Variants in ARHGAP10 observed in about 807,000 individuals in gnomAD.
ARHGAP10 encodes the protein rho GTPase-activating protein 10.
Under a neutral mutation model 108.6 loss-of-function variants are expected in ARHGAP10, and 87 were observed. The ratio of observed to expected loss-of-function variants is 0.80; its 90% CI spans 0.67 to 0.96. The LOEUF is 0.96. Among genes scored for constraint, ARHGAP10 ranks in the 40% least tolerant of loss-of-function variants. ARHGAP10 has a pLI of 0.00. For missense variants in ARHGAP10, 939 were observed against 954.5 expected, an observed-to-expected ratio of 0.98 and a Z score of 0.21; for synonymous variants, 347 against 341.1, an observed-to-expected ratio of 1.02 and a Z score of -0.19.
At chr4:148,051,638 G>C (rs893978604) in intron 20 of ARHGAP10, among the ~76,000 whole-genome samples, 2 of 152,212 alleles carry the variant, frequency 1.3e-5, no homozygotes. Flanking sequence ...CAGGCCAGGA[G>C]GGCAGTAGAT....
chr4:147,988,487 C>T (rs1400421756), intron 18 of ARHGAP10, among the ~76,000 whole-genome samples: 2 of 152,144 alleles, frequency 1.3e-5, no homozygotes, highest in Non-Finnish European at 2.9e-5. Context: ...ACAGCCTTTT[C>T]CTCTATCTAG....
intron 1 of ARHGAP10, among the ~76,000 whole-genome samples, chr4:147,742,906 T>TA (rs922678227): frequency 1.3e-5 from 2 of 150,030 alleles, no homozygotes; most frequent in Non-Finnish European, 3.0e-5. Flanking sequence ...CTGAAAGCCT[T>TA]TTTTTTTTTT....
At chr4:147,983,633 A>AT (rs1233875746) in intron 18 of ARHGAP10, among the ~76,000 whole-genome samples, 4 of 151,646 alleles carry the variant, frequency 2.6e-5, no homozygotes, top group African/African-American at 9.7e-5. Context: ...CCTATAGTGA[A>AT]TTTTTCAATT....
intron 1 of ARHGAP10, among the ~76,000 whole-genome samples, chr4:147,803,476 T>C (rs1202225796): frequency 6.6e-6 from 1 of 152,242 alleles, no homozygotes; most frequent in Non-Finnish European, 1.5e-5. Flanking sequence ...CTTTTCTTGT[T>C]ATTTTGAAAT....
chr4:148,064,059 TG>T (rs1011800019), intron 21 of ARHGAP10, among the ~76,000 whole-genome samples: 5 of 152,166 alleles, frequency 3.3e-5, no homozygotes, highest in African/African-American at 1.2e-4. Flanking sequence ...CAGGTGCGTG[TG>T]CTTTTCCTAA....
rs367747223 is a variant in ARHGAP10 at position 148,005,683 on chromosome 4, C to G, written c.1717-17580C>G. Among the ~76,000 whole-genome samples the G allele has an allele frequency of 5.2e-4, 79 of 152,310 alleles. 1 individual carries two copies. The South Asian group carries it at 0.015, about 30-fold the overall frequency. On this transcript the variant is annotated intron_variant, in intron 18 of 22. Transcript: ENST00000336498. ...GGTTTTAATTTGAAGAAACTTTAAA[C>G]AGTGAATCTGATTCTTCTTTGAGTT...
intron 4 of ARHGAP10, among the ~76,000 whole-genome samples, chr4:147,855,417 A>G (rs1206618877): frequency 2.2e-5 from 3 of 138,604 alleles, no homozygotes; most frequent in Middle Eastern, 3.5e-3. Flanking sequence ...GAGAGTAACT[A>G]TGTAATATCA....
chr4:147,879,017 G>A lies in ARHGAP10; in HGVS notation c.833-215G>A, dbSNP rs941678957. 4.7e-4 allele frequency among the ~76,000 whole-genome samples: 72 copies of A among 152,132 alleles called. 1 individual carries two copies. Among genetic ancestry groups the A allele is most frequent in the African/African-American group, 1.5e-3 (62 of 41,542 alleles). ...GATTTCCTGACCTTGTGATCCACCC[G>A]CCTCGACCTCCCAAAGTGCTGGGAT... On this transcript the variant is annotated intron_variant, in intron 8 of 22. Transcript: ENST00000336498.
chr4:147,799,740 C>G (rs1394067919), intron 1 of ARHGAP10, among the ~76,000 whole-genome samples: 2 of 152,174 alleles, frequency 1.3e-5, no homozygotes, highest in Non-Finnish European at 2.9e-5. Flanking sequence ...TATTGAAGCA[C>G]TTGTAAGAGG....
intron 1 of ARHGAP10, among the ~76,000 whole-genome samples, chr4:147,764,105 T>C (rs1729697579): frequency 6.6e-6 from 1 of 152,124 alleles, no homozygotes; most frequent in African/African-American, 2.4e-5. Context: ...ATCAGCTGAA[T>C]AGAGTTGGAT....
At chr4:147,806,492 TG>T (rs970305794) in intron 1 of ARHGAP10, among the ~76,000 whole-genome samples, 5 of 134,338 alleles carry the variant, frequency 3.7e-5, no homozygotes, top group Admixed American at 8.0e-5. Context: ...TTTCTGTTTT[TG>T]GGGGGGCGGG....
chr4:147,881,624 C>G (rs983180337), intron 9 of ARHGAP10, among the ~76,000 whole-genome samples: 83 of 152,206 alleles, frequency 5.5e-4, no homozygotes, highest in African/African-American at 1.9e-3. Context: ...GGTGAAAGAG[C>G]GAGGCTCCCT....
intron 10 of ARHGAP10, among the ~76,000 whole-genome samples, chr4:147,901,124 A>C (rs934836928): frequency 2.0e-5 from 3 of 152,210 alleles, no homozygotes; most frequent in Non-Finnish European, 4.4e-5. Context: ...GCAGTTTGAA[A>C]TGTGTCCAAT....
At chr4:147,791,552 G>T (rs1052215036) in intron 1 of ARHGAP10, among the ~76,000 whole-genome samples, 1 of 151,928 alleles carries the variant, frequency 6.6e-6, no homozygotes, top group African/African-American at 2.4e-5. Flanking sequence ...GTGCGTGCGC[G>T]CGTGTATATA....
chr4:148,050,365 C>CT (rs11309245), intron 20 of ARHGAP10, among the ~76,000 whole-genome samples: 1,217 of 59,306 alleles, frequency 0.021, 121 homozygotes, highest in African/African-American at 0.03. Context: ...TCATCATCAT[C>CT]TTTTTTTTTT....
chr4:147,791,037 A>G (rs775183784), intron 1 of ARHGAP10, among the ~76,000 whole-genome samples: 73 of 151,862 alleles, frequency 4.8e-4, no homozygotes, highest in Non-Finnish European at 9.3e-4. Flanking sequence ...TTATATATGT[A>G]TGAGTTTATG....
At chr4:147,788,261 A>G (rs1730975591) in intron 1 of ARHGAP10, among the ~76,000 whole-genome samples, 1 of 152,108 alleles carries the variant, frequency 6.6e-6, no homozygotes, top group Non-Finnish European at 1.5e-5. Context: ...CCTGACCAAC[A>G]TGGTGAAACC....
At chr4:148,036,817 G>A (rs1439724022) in intron 19 of ARHGAP10, among the ~76,000 whole-genome samples, 1 of 152,146 alleles carries the variant, frequency 6.6e-6, no homozygotes, top group Admixed American at 6.5e-5. Flanking sequence ...CAGCCATGCT[G>A]CTCAGACTGC....
At chr4:147,979,713 G>A in intron 18 of ARHGAP10, among the ~76,000 whole-genome samples, 1 of 152,124 alleles carries the variant, frequency 6.6e-6, no homozygotes, top group East Asian at 1.9e-4. Context: ...ATATCTTTCA[G>A]CAGTGTTTTG....
Sources: gnomAD v4.1 joint callset for allele counts (sites outside exome capture counted in the v4.1 genomes callset) on GRCh38, gnomAD v4.1.1 for gene constraint, MANE v1.5 for transcripts, NCBI Gene and HGNC (gene_info 2026-07-23, HGNC 2026-07-21) for gene names.